SUPT3H: variants seen among roughly 807,000 people sequenced by gnomAD.
SUPT3H encodes transcription initiation protein SPT3 homolog.
A neutral mutation model predicts 44.3 loss-of-function variants in SUPT3H; 44 were observed. That is an observed-to-expected ratio of 0.99 (90% CI 0.78 to 1.28). The LOEUF (loss-of-function observed/expected upper bound fraction) is 1.28. SUPT3H is among the 50% of genes most tolerant of loss of function. SUPT3H has a pLI of 0.00. For synonymous variants in SUPT3H, 124 were observed against 125.6 expected, an observed-to-expected ratio of 0.99 and a Z score of 0.09; for missense variants, 380 against 387.1, an observed-to-expected ratio of 0.98 and a Z score of 0.15.
rs765928069 is a variant in SUPT3H, at chr6:44,900,711, G to A, written c.912+31942C>T. Among the ~76,000 whole-genome samples, 6 of 152,162 alleles carry A rather than the reference G, an allele frequency of 3.9e-5. No individual in the cohort carries two copies. The South Asian group carries it at 1.0e-3, about 26-fold the overall frequency. The stretch of plus-strand genomic sequence containing the variant: ...GCATGCAGTTAGAGATCTGAGAACC[G>A]ACAGACTGCCTCCTCAAGTGGGTCC... On this transcript the variant is annotated intron_variant, in intron 10 of 10. Coordinates refer to ENST00000371459, the MANE Select transcript of SUPT3H (RefSeq NM_003599.4).
intron 2 of SUPT3H, among the ~76,000 whole-genome samples, chr6:45,172,865 C>T (rs1447936911): frequency 2.6e-5 from 4 of 152,176 alleles, no homozygotes; most frequent in Admixed American, 2.0e-4. Flanking sequence ...GCTGGGATTA[C>T]AAGTGTGAGC....
At chr6:45,024,360 C>G (rs16873073) in intron 3 of SUPT3H, among the ~76,000 whole-genome samples, 17,789 of 151,852 alleles carry the variant, frequency 0.12, 1,230 homozygotes, top group African/African-American at 0.19. Context: ...ATATTTTCAC[C>G]AATTTCTGTT....
intron 2 of SUPT3H, among the ~76,000 whole-genome samples, chr6:45,158,311 T>A (rs1246778255): frequency 7.5e-6 from 1 of 134,162 alleles, no homozygotes; most frequent in Non-Finnish European, 1.6e-5. Context: ...TTTTTTTTTT[T>A]TTTTTTGAGA....
chr6:44,947,417 AAG>A (rs139593020), intron 9 of SUPT3H, among the ~76,000 whole-genome samples: 221 of 152,330 alleles, frequency 1.5e-3, no homozygotes, highest in African/African-American at 5.0e-3. Context: ...CAGTAATAAA[AAG>A]AGATATTTCA....
At chr6:45,332,906 C>T (rs1387948850) in intron 2 of SUPT3H, among the ~76,000 whole-genome samples, 1 of 151,656 alleles carries the variant, frequency 6.6e-6, no homozygotes, top group Non-Finnish European at 1.5e-5. Context: ...CCTTAATGTA[C>T]TATTTTTTCT....
At chr6:45,321,291 A>C (rs1367560650) in intron 2 of SUPT3H, among the ~76,000 whole-genome samples, 1 of 152,158 alleles carries the variant, frequency 6.6e-6, no homozygotes, top group East Asian at 1.9e-4. Context: ...ATTTTCCTCA[A>C]GTATGATTTC....
At chr6:45,261,431 TA>T (rs1367227739) in intron 2 of SUPT3H, among the ~76,000 whole-genome samples, 5 of 151,528 alleles carry the variant, frequency 3.3e-5, no homozygotes, top group African/African-American at 1.2e-4. Context: ...CGCAAATCGA[TA>T]AATGTGATTC....
At chr6:45,322,383 T>C (rs964070188) in intron 2 of SUPT3H, among the ~76,000 whole-genome samples, 4 of 150,732 alleles carry the variant, frequency 2.7e-5, no homozygotes, top group African/African-American at 9.7e-5. Flanking sequence ...ACTTTTATAA[T>C]TTTCTAATAT....
chr6:45,377,495 C>G (rs1796971059), intron 1 of SUPT3H: 1 of 152,246 alleles, frequency 6.6e-6, no homozygotes. Context: ...CCCCTCACCC[C>G]ACGCCCACCC....
intron 9 of SUPT3H, 117 bp from the exon 10 acceptor site, chr6:44,932,880 A>G: frequency 3.6e-6 from 2 of 559,222 alleles, no homozygotes; most frequent in South Asian, 6.0e-5. Context: ...TAGGATGCAC[A>G]TCACTACTGC....
At chr6:44,899,612 G>A (rs764786577) in intron 10 of SUPT3H, among the ~76,000 whole-genome samples, 2 of 152,130 alleles carry the variant, frequency 1.3e-5, no homozygotes, top group Non-Finnish European at 2.9e-5. Flanking sequence ...GTTTGAACCC[G>A]GGAGATGGAG....
chr6:45,180,656 G>T (rs970507973), intron 2 of SUPT3H, among the ~76,000 whole-genome samples: 5 of 152,196 alleles, frequency 3.3e-5, no homozygotes, highest in Non-Finnish European at 7.4e-5. Context: ...GGGAAAATTG[G>T]CTAGCCATAT....
chr6:45,150,550 T>C lies in SUPT3H; in HGVS notation c.102-44544A>G, dbSNP rs116182712. 5.3e-3 allele frequency among the ~76,000 whole-genome samples: 806 copies of C among 152,236 alleles called. 7 individuals carry two copies. The highest frequency in any genetic ancestry group is 0.018 in the African/African-American group (755 of 41,554). On this transcript the variant is annotated intron_variant, in intron 2 of 10. Coordinates refer to ENST00000371459, the MANE Select transcript of SUPT3H (RefSeq NM_003599.4). ...CTAAATTCAGAATCAATATTGAATATAAAGTAAACTCAGCATGGGACACCA... is the reference window on the plus strand; with the variant it reads ...CTAAATTCAGAATCAATATTGAATACAAAGTAAACTCAGCATGGGACACCA...
chr6:45,144,232 A>T (rs570064555), intron 2 of SUPT3H, among the ~76,000 whole-genome samples: 43 of 152,144 alleles, frequency 2.8e-4, no homozygotes, highest in Non-Finnish European at 3.4e-4. Flanking sequence ...CCAGAAAAGG[A>T]CATAACAAGA....
intron 5 of SUPT3H, among the ~76,000 whole-genome samples, chr6:45,009,166 T>G (rs1006617738): frequency 4.6e-5 from 7 of 152,192 alleles, no homozygotes; most frequent in Non-Finnish European, 1.0e-4. Context: ...TGATATATTC[T>G]ATACAAAAGT....
At chr6:44,965,603 A>G (rs1355264020) in intron 6 of SUPT3H, among the ~76,000 whole-genome samples, 2 of 150,528 alleles carry the variant, frequency 1.3e-5, no homozygotes, top group African/African-American at 4.9e-5. Flanking sequence ...TAAAAAAAAA[A>G]TGGAACAAAT....
At chr6:44,883,323 G>A (rs1019078503) in intron 10 of SUPT3H, among the ~76,000 whole-genome samples, 22 of 152,282 alleles carry the variant, frequency 1.4e-4, no homozygotes, top group African/African-American at 5.3e-4. Context: ...TACAAGGGAT[G>A]TGAAGGACCT....
chr6:45,337,373 G>A (rs1302966648), intron 2 of SUPT3H, among the ~76,000 whole-genome samples: 12 of 150,922 alleles, frequency 8.0e-5, no homozygotes, highest in African/African-American at 1.5e-4. Context: ...TCCAGCATTC[G>A]AAGAAAAAAA....
At chr6:45,289,703 A>C (rs1779989553) in intron 2 of SUPT3H, among the ~76,000 whole-genome samples, 1 of 152,196 alleles carries the variant, frequency 6.6e-6, no homozygotes, top group Non-Finnish European at 1.5e-5. Context: ...ATAAGTAAAC[A>C]CGAGAAAACA....
Sources: gnomAD v4.1 joint callset for allele counts (sites outside exome capture counted in the v4.1 genomes callset) on GRCh38, gnomAD v4.1.1 for gene constraint, MANE v1.5 for transcripts, NCBI Gene and HGNC (gene_info 2026-07-23, HGNC 2026-07-21) for gene names.